Variants in RABGEF1 observed in about 807,000 individuals in gnomAD.
RABGEF1 encodes the protein RAB guanine nucleotide exchange factor 1, also known as rab5 GDP/GTP exchange factor.
In RABGEF1, 26 loss-of-function variants were observed where a neutral mutation model predicts 57.3. The ratio of observed to expected loss-of-function variants is 0.45; its 90% CI spans 0.33 to 0.63. The LOEUF is 0.63. Ranked by LOEUF, RABGEF1 falls within the 20% of genes least tolerant of loss-of-function variation. The pLI, the probability that RABGEF1 is intolerant of heterozygous loss-of-function variation, is 0.02. For synonymous variants in RABGEF1, 185 were observed against 210.7 expected (o/e 0.88, Z 1.06); for missense variants, 464 against 607.6 (o/e 0.76, Z 2.48).
intron 1 of RABGEF1, among the ~76,000 whole-genome samples, chr7:66,706,796 T>G (rs1794163171): frequency 1.3e-5 from 2 of 149,078 alleles, no homozygotes; most frequent in African/African-American, 2.5e-5. Context: ...TTTTTTTTTT[T>G]TTTGAGAGGG....
chr7:66,786,814 AC>A (rs1437920906), intron 4 of RABGEF1, among the ~76,000 whole-genome samples: 1 of 152,196 alleles, frequency 6.6e-6, no homozygotes, highest in Non-Finnish European at 1.5e-5. Flanking sequence ...GTATACTCTT[AC>A]AGTACTTCTA....
At chr7:66,671,536 T>TA in the RABGEF1 span, among the ~76,000 whole-genome samples, 32 of 151,944 alleles carry the variant, frequency 2.1e-4, no homozygotes, top group Non-Finnish European at 2.9e-4. Context: ...TTTAAAGCAA[T>TA]AAAAAAAAGA....
chr7:66,720,188 ATTATTATTT>A (rs1014476196), intron 2 of RABGEF1, among the ~76,000 whole-genome samples: 5 of 120,514 alleles, frequency 4.1e-5, no homozygotes, highest in South Asian at 5.8e-4. Context: ...TATTATTATT[ATTATTATTT>A]TTTTTTTTTT....
Position 66,696,355 on chromosome 7 carries a change from A to C in RABGEF1, c.-873+14097A>C, listed in dbSNP as rs572409271. 5.9e-5 allele frequency among the ~76,000 whole-genome samples: 9 copies of C among 152,018 alleles called. No homozygotes were observed. The South Asian group carries it at 1.2e-3, about 21-fold the overall frequency. On this transcript the variant is annotated intron_variant and NMD_transcript_variant, in intron 1 of 9. Coordinates refer to the RABGEF1 transcript ENST00000607882. Reference sequence around the variant, plus strand: ...CTGGGATTACAGGTGTGAGTCATCCAGTGTGGCCAAGGGACTTTTAAAACT... The same window carrying C: ...CTGGGATTACAGGTGTGAGTCATCCCGTGTGGCCAAGGGACTTTTAAAACT...
At chr7:66,661,258 C>T in the RABGEF1 span, among the ~76,000 whole-genome samples, 9 of 137,652 alleles carry the variant, frequency 6.5e-5, no homozygotes. Context: ...GAGATCGTGC[C>T]ACTGCACTCC....
intron 1 of RABGEF1, among the ~76,000 whole-genome samples, chr7:66,687,258 G>C (rs1052131620): frequency 2.0e-5 from 3 of 151,464 alleles, no homozygotes; most frequent in African/African-American, 7.3e-5. Context: ...CCCAGTAGGT[G>C]GGATTACAGG....
intron 1 of RABGEF1, among the ~76,000 whole-genome samples, chr7:66,710,127 A>G (rs1448165296): frequency 1.3e-5 from 2 of 152,222 alleles, no homozygotes; most frequent in Non-Finnish European, 2.9e-5. Flanking sequence ...TTTCATATAA[A>G]TGAAATCATT....
chr7:66,697,518 T>C (rs1326758002), intron 1 of RABGEF1, among the ~76,000 whole-genome samples: 1 of 152,122 alleles, frequency 6.6e-6, no homozygotes, highest in Non-Finnish European at 1.5e-5. Context: ...CTGTCAACTC[T>C]GGGCACGGCC....
the RABGEF1 span, among the ~76,000 whole-genome samples, chr7:66,674,940 C>G: frequency 1.8e-5 from 2 of 110,320 alleles, no homozygotes; most frequent in Non-Finnish European, 3.7e-5. Flanking sequence ...TATTTCACCT[C>G]AATTATAAAA....
rs1224800315 is a variant in RABGEF1 at position 66,753,701 on chromosome 7, GTTTTTTTTT to G, written c.-18+12924_-18+12932del. Among the ~76,000 whole-genome samples the G allele has an allele frequency of 3.8e-5, 3 of 78,764 alleles. 1 individual carries two copies. The highest frequency in any genetic ancestry group is 2.3e-5 in the Non-Finnish European group (1 of 43,530). The allele number at this position is 78,764 out of a possible 152,430, so 51.7% of individuals were successfully genotyped here. ...ATCTGAAAATGTCTATTTTGCCATC[GTTTTTTTTT>G]TTTTTTTTTTTTTTGAGACAGAGTC... On this transcript the variant is annotated intron_variant, in intron 1 of 8. Coordinates refer to ENST00000284957, the MANE Select transcript of RABGEF1 (RefSeq NM_014504.3).
intron 1 of RABGEF1, among the ~76,000 whole-genome samples, chr7:66,745,661 C>G (rs182107587): frequency 6.6e-6 from 1 of 151,250 alleles, no homozygotes; most frequent in Non-Finnish European, 1.5e-5. Flanking sequence ...CTCAGCTACT[C>G]GGGAGTCTGA....
At chr7:66,762,014 A>T (rs1315160860) in intron 1 of RABGEF1, among the ~76,000 whole-genome samples, 5 of 152,224 alleles carry the variant, frequency 3.3e-5, no homozygotes, top group Non-Finnish European at 7.4e-5. Flanking sequence ...AGACCTCACC[A>T]CTGCACTCCA....
chr7:66,703,203 G>A (rs1187421586), intron 1 of RABGEF1, among the ~76,000 whole-genome samples: 1 of 152,110 alleles, frequency 6.6e-6, no homozygotes, highest in Non-Finnish European at 1.5e-5. Flanking sequence ...CTCATCTCCT[G>A]ACCTCGTGCC....
intron 1 of RABGEF1, among the ~76,000 whole-genome samples, chr7:66,702,302 TTGG>T (rs961685848): frequency 5.9e-5 from 9 of 152,100 alleles, no homozygotes; most frequent in Non-Finnish European, 4.4e-5. Context: ...CATTCATCCA[TTGG>T]TGGATATTTG....
chr7:66,668,338 C>T, the RABGEF1 span, among the ~76,000 whole-genome samples: 1 of 152,164 alleles, frequency 6.6e-6, no homozygotes, highest in Non-Finnish European at 1.5e-5. Flanking sequence ...CTCTAGCCAT[C>T]CTTCTACCTC....
the RABGEF1 span, among the ~76,000 whole-genome samples, chr7:66,670,124 A>AC: frequency 6.6e-6 from 1 of 150,614 alleles, no homozygotes; most frequent in Non-Finnish European, 1.5e-5. Flanking sequence ...CAAAATCGAC[A>AC]CCCCCCAAAT....
intron 8 of RABGEF1, among the ~76,000 whole-genome samples, chr7:66,805,905 G>A (rs538329261): frequency 2.0e-5 from 3 of 151,326 alleles, no homozygotes; most frequent in South Asian, 2.1e-4. Context: ...CCATCACACC[G>A]GGCCAATTTT....
chr7:66,682,581 C>T (rs1382433829), intron 1 of RABGEF1, among the ~76,000 whole-genome samples: 1 of 152,224 alleles, frequency 6.6e-6, no homozygotes, highest in Admixed American at 6.5e-5. Flanking sequence ...CTCGGTCCGG[C>T]TCCCACTTCC....
At chr7:66,796,123 C>T (rs373244983) in intron 5 of RABGEF1, among the ~76,000 whole-genome samples, 1 of 151,844 alleles carries the variant, frequency 6.6e-6, no homozygotes, top group Non-Finnish European at 1.5e-5. Flanking sequence ...GGCAACAGAT[C>T]GAGACTCTGT....
Sources: gnomAD v4.1 joint callset for allele counts (sites outside exome capture counted in the v4.1 genomes callset) on GRCh38, gnomAD v4.1.1 for gene constraint, MANE v1.5 for transcripts, NCBI Gene and HGNC (gene_info 2026-07-23, HGNC 2026-07-21) for gene names.